The following PPFIA2 variants were observed in gnomAD, a reference collection of about 807,000 sequenced individuals.
PPFIA2 encodes PPFI scaffold protein A2.
A neutral mutation model predicts 175.5 loss-of-function variants in PPFIA2; 46 were observed. That is an observed-to-expected ratio of 0.26 (90% CI 0.21 to 0.34). The LOEUF is 0.34. PPFIA2 is among the 10% of genes least tolerant of loss of function. The pLI, the probability that PPFIA2 is intolerant of heterozygous loss-of-function variation, is 1.00. For synonymous variants in PPFIA2, 568 were observed against 511.4 expected (o/e 1.11, Z -1.49); for missense variants, 1,179 against 1,506.1 (o/e 0.78, Z 3.60).
At chr12:81,331,356 G>C (rs2056088220) in intron 21 of PPFIA2, among the ~76,000 whole-genome samples, 1 of 152,106 alleles carries the variant, frequency 6.6e-6, no homozygotes, top group Non-Finnish European at 1.5e-5. Context: ...TAGGTAGTAG[G>C]TTATATTATT....
chr12:81,285,616 C>G (rs997275725), intron 24 of PPFIA2, among the ~76,000 whole-genome samples: 23 of 152,130 alleles, frequency 1.5e-4, no homozygotes, highest in Middle Eastern at 3.4e-3. Context: ...AAGTTCCTGT[C>G]ACCTAGTGAT....
chr12:81,694,199 C>T (rs1467004918), intron 3 of PPFIA2, among the ~76,000 whole-genome samples: 1 of 152,054 alleles, frequency 6.6e-6, no homozygotes, highest in Non-Finnish European at 1.5e-5. Flanking sequence ...GAGAAATTTG[C>T]ATAACTAAAA....
At chr12:81,687,215 A>G (rs1005061116) in intron 3 of PPFIA2, among the ~76,000 whole-genome samples, 1 of 152,088 alleles carries the variant, frequency 6.6e-6, no homozygotes, top group African/African-American at 2.4e-5. Flanking sequence ...AGGAAAGATA[A>G]TCAAACCTCT....
At chr12:81,577,113 T>A (rs530844007) in intron 4 of PPFIA2, among the ~76,000 whole-genome samples, 1 of 151,982 alleles carries the variant, frequency 6.6e-6, no homozygotes, top group African/African-American at 2.4e-5. Context: ...TAATAGGAAT[T>A]CAAATTCTTT....
intron 4 of PPFIA2, among the ~76,000 whole-genome samples, chr12:81,484,299 T>C (rs550548735): frequency 9.2e-5 from 14 of 151,920 alleles, no homozygotes; most frequent in Non-Finnish European, 1.9e-4. Flanking sequence ...AGGGGTGGTT[T>C]TAACCACAGT....
rs1183220378 is a variant in PPFIA2, at chr12:81,457,750, C to T, written c.405+15G>A. 5 of 1,514,136 alleles carry T rather than the reference C, an allele frequency of 3.3e-6. No homozygotes were observed. The highest frequency in any genetic ancestry group is 2.8e-5 in the African/African-American group (2 of 71,712). The allele number at this position is 1,514,136 out of a possible 1,614,324, so 93.8% of individuals were successfully genotyped here. On this transcript the variant is annotated intron_variant, in intron 5 of 32. Coordinates refer to ENST00000549396, the MANE Select transcript of PPFIA2 (RefSeq NM_003625.5). ...ACAAATAGAATTAATTCCAAAAAGGCTGCTTTACACTTACTCTTGTGTTGT... is the reference window on the plus strand; with the variant it reads ...ACAAATAGAATTAATTCCAAAAAGGTTGCTTTACACTTACTCTTGTGTTGT...
intron 4 of PPFIA2, among the ~76,000 whole-genome samples, chr12:81,569,918 T>G (rs963790752): frequency 3.9e-5 from 6 of 152,126 alleles, no homozygotes; most frequent in Non-Finnish European, 5.9e-5. Context: ...GTGAGGGCAT[T>G]TGAACTCTAA....
chr12:81,652,411 A>G lies in PPFIA2; in HGVS notation c.303+24380T>C, dbSNP rs1293192852. 2.6e-5 allele frequency among the ~76,000 whole-genome samples: 4 copies of G among 151,844 alleles called. No homozygotes were observed. In the East Asian group the frequency reaches 7.7e-4, roughly 29 times the overall value. On this transcript the variant is annotated intron_variant, in intron 4 of 32. Transcript: ENST00000549396. ...TAGTAAAAAAAACAACACAAAGACT[A>G]AAGACCCAGAAATCTCAGAGAGCTA...
intron 9 of PPFIA2, among the ~76,000 whole-genome samples, chr12:81,383,419 T>C (rs752163079): frequency 7.9e-5 from 12 of 152,096 alleles, no homozygotes; most frequent in Non-Finnish European, 1.5e-4. Flanking sequence ...GTGTTACAAA[T>C]TAAACATCTC....
intron 4 of PPFIA2, among the ~76,000 whole-genome samples, chr12:81,558,124 GAAATA>G (rs1261152090): frequency 6.6e-6 from 1 of 152,120 alleles, no homozygotes; most frequent in African/African-American, 2.4e-5. Flanking sequence ...TCAAGTTTAT[GAAATA>G]AAACTTTCTG....
chr12:81,351,529 A>G (rs1462069262), intron 17 of PPFIA2, among the ~76,000 whole-genome samples: 4 of 152,068 alleles, frequency 2.6e-5, no homozygotes, highest in Admixed American at 6.6e-5. Flanking sequence ...TCAGTTTAAG[A>G]TATGGTAGCA....
At chr12:81,727,864 G>T (rs1171634959) in intron 3 of PPFIA2, among the ~76,000 whole-genome samples, 1 of 151,306 alleles carries the variant, frequency 6.6e-6, no homozygotes, top group Non-Finnish European at 1.5e-5. Flanking sequence ...AGTACTAGTT[G>T]CATGGCTCTG....
chr12:81,446,735 G>C (rs2145332347), intron 5 of PPFIA2, among the ~76,000 whole-genome samples: 1 of 152,106 alleles, frequency 6.6e-6, no homozygotes, highest in East Asian at 1.9e-4. Flanking sequence ...AGACACTGAA[G>C]GTGGAAAGAA....
At position 81,379,930 on chromosome 12, in the gene PPFIA2, C is replaced by T. The variant is rs1048027348; in HGVS notation, c.985-3988G>A. Among the ~76,000 whole-genome samples the T allele has an allele frequency of 2.6e-5, 4 of 152,198 alleles. No individual in the cohort carries two copies. In the South Asian group the frequency reaches 8.3e-4, roughly 32 times the overall value. ...CTCACATGCAAAGCAAATTATATTT[C>T]TGTTTTTTATTATATGGTTGTTTTT... On this transcript the variant is annotated intron_variant, in intron 9 of 32. Coordinates refer to ENST00000549396, the MANE Select transcript of PPFIA2 (RefSeq NM_003625.5).
At chr12:81,738,233 C>A (rs1469549259) in intron 3 of PPFIA2, among the ~76,000 whole-genome samples, 2 of 151,668 alleles carry the variant, frequency 1.3e-5, no homozygotes, top group Admixed American at 6.6e-5. Flanking sequence ...GTGAAAATAA[C>A]CACTAACGTA....
At chr12:81,375,035 A>G (rs1052440713) in intron 10 of PPFIA2, among the ~76,000 whole-genome samples, 1 of 152,142 alleles carries the variant, frequency 6.6e-6, no homozygotes, top group Admixed American at 6.6e-5. Context: ...CATTTTAACA[A>G]AGGGAATATA....
intron 4 of PPFIA2, among the ~76,000 whole-genome samples, chr12:81,647,900 C>T (rs567030682): frequency 7.1e-6 from 1 of 140,264 alleles, no homozygotes; most frequent in Non-Finnish European, 1.5e-5. Context: ...ATCTTGAAGA[C>T]ATCATCAAGA....
At position 81,725,043 on chromosome 12, in the gene PPFIA2, T is replaced by C. The variant is rs890261454; in HGVS notation, c.249+28930A>G. 1.7e-4 allele frequency among the ~76,000 whole-genome samples: 26 copies of C among 151,146 alleles called. No individual in the cohort carries two copies. The Admixed American group carries it at 1.7e-3, about 10-fold the overall frequency. ...ATTCTAACCGGTTTAAGGTGGTATC[T>C]CATTGTGATTTTAATTTGCATTTCT... On this transcript the variant is annotated intron_variant, in intron 3 of 32. Transcript: ENST00000549396.
intron 4 of PPFIA2, among the ~76,000 whole-genome samples, chr12:81,667,665 A>T (rs1336995512): frequency 6.6e-6 from 1 of 152,050 alleles, no homozygotes; most frequent in African/African-American, 2.4e-5. Context: ...GCTTTGTCAT[A>T]TATTCCCTCT....
Sources: allele counts gnomAD v4.1 joint callset (sites outside exome capture counted in the v4.1 genomes callset), GRCh38; gene constraint gnomAD v4.1.1; transcripts MANE v1.5; gene names NCBI Gene and HGNC (gene_info 2026-07-23, HGNC 2026-07-21).